CAPNS1: variants seen among roughly 807,000 people sequenced by gnomAD.
The protein encoded by CAPNS1 is calpain small subunit 1, also known as CANP small subunit.
Under a neutral mutation model 39.2 loss-of-function variants are expected in CAPNS1, and 32 were observed. The ratio of observed to expected loss-of-function variants is 0.82; its 90% CI spans 0.62 to 1.10. The LOEUF (loss-of-function observed/expected upper bound fraction) is 1.10. Ranked by LOEUF, CAPNS1 falls within the 50% of genes least tolerant of loss-of-function variation. The probability of loss-of-function intolerance (pLI) is 0.00; values close to 1 mark genes in which losing one functional copy is unlikely to be tolerated. For missense variants in CAPNS1, 353 were observed against 373.1 expected (o/e 0.95, Z 0.44); for synonymous variants, 153 against 136.2 (o/e 1.12, Z -0.86).
intron 6 of CAPNS1, chr19:36,145,586 T>C: frequency 1.9e-6 from 1 of 526,354 alleles, no homozygotes; most frequent in Non-Finnish European, 3.4e-6. Flanking sequence ...TAATTCCTCA[T>C]GGTTATGTTT....
chr19:36,142,338 G>GC lies in CAPNS1; in HGVS notation c.243+10dup. The GC allele has an allele frequency of 6.6e-7, 1 of 1,507,094 alleles. No individual in the cohort carries two copies. The highest frequency in any genetic ancestry group is 9.0e-7 in the Non-Finnish European group (1 of 1,109,022). 93.4% of individuals were successfully genotyped at this position (1,507,094 alleles called of 1,614,324 possible). On this transcript the variant is annotated splice_donor_region_variant and intron_variant, in intron 3 of 10. Coordinates refer to ENST00000246533, the MANE Select transcript of CAPNS1 (RefSeq NM_001749.4). ...CAGTACAACCCGGAGCCCCCGGTAAGCCCCCTCTGCAACCAGACCCCCTTC... is the reference window on the plus strand; with the variant it reads ...CAGTACAACCCGGAGCCCCCGGTAAGCCCCCCTCTGCAACCAGACCCCCTTC...
intron 2 of CAPNS1, 137 bp downstream of exon 2, chr19:36,141,357 G>A: frequency 7.3e-7 from 1 of 1,365,546 alleles, no homozygotes; most frequent in Non-Finnish European, 9.4e-7. Context: ...TTAGGCCGGG[G>A]AGGCCTGGTT....
At chr19:36,142,593 T>A in intron 3 of CAPNS1, 59 bp from the exon 4 acceptor site, 1 of 1,434,760 alleles carries the variant, frequency 7.0e-7, no homozygotes, top group South Asian at 1.2e-5. Context: ...TACCTGGGTT[T>A]GGGGAGCCGT....
chr19:36,140,793 C>A, intron 1 of CAPNS1: 1 of 581,396 alleles, frequency 1.7e-6, no homozygotes, highest in Non-Finnish European at 2.9e-6. Context: ...TCAAGCCCCA[C>A]GGGTGCCTTT....
At chr19:36,143,989 C>T (rs1974474387) in intron 6 of CAPNS1, 1 of 151,392 alleles carries the variant, frequency 6.6e-6, no homozygotes. Context: ...TCCTGGCTAA[C>T]ACGGTGAAAC....
intron 2 of CAPNS1, chr19:36,141,477 C>A: frequency 7.9e-7 from 1 of 1,260,856 alleles, no homozygotes; most frequent in Non-Finnish European, 9.9e-7. Context: ...CAATGTGGTC[C>A]TGAGGGGACT....
At chr19:36,143,165 G>A in intron 6 of CAPNS1, 37 bp downstream of exon 6, 1 of 1,592,798 alleles carries the variant, frequency 6.3e-7, no homozygotes, top group Non-Finnish European at 8.6e-7. Flanking sequence ...GCCCTGGGTG[G>A]ACAGAGAGTT....
At chr19:36,149,234 AG>A (rs1297713566) in intron 9 of CAPNS1, among the ~76,000 whole-genome samples, 2 of 151,850 alleles carry the variant, frequency 1.3e-5, no homozygotes, top group Non-Finnish European at 2.9e-5. Context: ...TTTAATTTTT[AG>A]TTTTTTTAAA....
chr19:36,142,597 G>A, intron 3 of CAPNS1, 55 bp from the exon 4 acceptor site: 1 of 1,477,756 alleles, frequency 6.8e-7, no homozygotes, highest in Non-Finnish European at 9.4e-7. Flanking sequence ...TGGGTTTGGG[G>A]AGCCGTCCTG....
chr19:36,146,012 A>G lies in CAPNS1; in HGVS notation c.562A>G (p.Thr188Ala). 6.2e-7 allele frequency: 1 copy of G among 1,614,184 alleles called. No homozygotes were observed. The highest frequency in any genetic ancestry group is 8.5e-7 in the Non-Finnish European group (1 of 1,180,026). The change falls in exon 8 of 11, where the codon ACC becomes GCC. Residue 188 changes from threonine (T) to alanine (A), a missense_variant. Physicochemically the swap from Thr to Ala is moderately conservative, Grantham distance 58 (BLOSUM62 0). Transcript: ENST00000246533. The part of the protein sequence containing the change: ...YKQFDTDRSG[T>A]ICSSELPGAF... ...ACAGTTCGACACTGACCGATCAGGG[A>G]CCATTTGCAGTAGTGAACTCCCAGG...
At position 36,146,222 on chromosome 19, in the gene CAPNS1, A is replaced by G. The variant is rs900385344; in HGVS notation, c.631A>G (p.Asn211Asp). The change falls in exon 9 of 11, where the codon AAC becomes GAC. Residue 211 changes from asparagine to aspartate, a missense_variant. Asn to Asp is a conservative substitution (Grantham distance 23, BLOSUM62 1). Coordinates refer to ENST00000246533, the MANE Select transcript of CAPNS1 (RefSeq NM_001749.4). ...AGFHLNEHLY[N>D]MIIRRYSDES... ...GTTCCACCTGAATGAGCATCTCTAT[A>G]ACATGATCATCCGACGCTACTCAGA... The G allele has an allele frequency of 6.8e-6, 11 of 1,613,352 alleles. No homozygotes were observed. Among genetic ancestry groups the G allele is most frequent in the Non-Finnish European group, 8.5e-6 (10 of 1,179,378 alleles).
rs376949332 is a variant in CAPNS1 at position 36,146,363 on chromosome 19, T to C, written c.721+51T>C. ...TGGGTGGGGATTCCTATGACCTCTA[T>C]GGACCAAGGTCTCCTCTAAGCCTGA... On this transcript the variant is annotated intron_variant, in intron 9 of 10. Coordinates refer to ENST00000246533, the MANE Select transcript of CAPNS1 (RefSeq NM_001749.4). 93 of 1,164,826 alleles carry C rather than the reference T, an allele frequency of 8.0e-5. No individual in the cohort carries two copies. In the Middle Eastern group the frequency reaches 1.2e-3, roughly 15 times the overall value. The allele number at this position is 1,164,826 out of a possible 1,614,324, so 72.2% of individuals were successfully genotyped here.
chr19:36,145,203 C>CTTTT (rs5827950), intron 6 of CAPNS1, among the ~76,000 whole-genome samples: 5,699 of 118,160 alleles, frequency 0.048, 270 homozygotes, highest in African/African-American at 0.098. Context: ...TTTTCTTTCT[C>CTTTT]TTTTTTTTTT....
Position 36,146,293 on chromosome 19 carries a change from C to A in CAPNS1, c.702C>A (p.Val234=). The A allele has an allele frequency of 6.2e-7, 1 of 1,612,408 alleles. No homozygotes were observed. The highest frequency in any genetic ancestry group is 1.1e-5 in the South Asian group (1 of 90,956). The change falls in exon 9 of 11, where the codon GTC becomes GTA. Residue 234 remains valine, a synonymous_variant. Coordinates refer to ENST00000246533, the MANE Select transcript of CAPNS1 (RefSeq NM_001749.4). ...TTGACAACTTCATCAGCTGCTTGGT[C>A]AGGCTGGACGCCATGTTCCGTGAGT... The part of the protein sequence containing the change: ...MDFDNFISCL[V]RLDAMFRAFK...
rs748893214 is a variant in CAPNS1 at position 36,146,059 on chromosome 19, G to A, written c.604+5G>A. On this transcript the variant is annotated splice_donor_5th_base_variant and intron_variant, in intron 8 of 10. Coordinates refer to ENST00000246533, the MANE Select transcript of CAPNS1 (RefSeq NM_001749.4). The stretch of plus-strand genomic sequence containing the variant: ...CAGGTGCCTTTGAGGCAGCAGGTAT[G>A]GCTGGCAGGGACATGCTGGGGCTGG... The A allele has an allele frequency of 6.2e-7, 1 of 1,613,900 alleles. No homozygotes were observed. Among genetic ancestry groups the A allele is most frequent in the Non-Finnish European group, 8.5e-7 (1 of 1,179,796 alleles).
intron 7 of CAPNS1, 21 bp from the exon 8 acceptor site, chr19:36,145,955 C>T (rs1974548812): frequency 1.2e-6 from 2 of 1,613,722 alleles, no homozygotes; most frequent in Non-Finnish European, 1.7e-6. Flanking sequence ...TCACTTGGAC[C>T]CAATGTCTCT....
intron 9 of CAPNS1, chr19:36,148,442 G>A (rs932401780): frequency 3.3e-5 from 5 of 151,680 alleles, no homozygotes; most frequent in Admixed American, 2.0e-4. Context: ...ACTTGAGCCC[G>A]GGAGGGTGAG....
chr19:36,142,528 C>A (rs1238096138), intron 3 of CAPNS1, 124 bp from the exon 4 acceptor site: 4 of 767,902 alleles, frequency 5.2e-6, no homozygotes, highest in Non-Finnish European at 9.0e-6. Flanking sequence ...CACTACCACC[C>A]CTCATTCTTT....
chr19:36,147,194 G>T (rs1278980417), intron 9 of CAPNS1, among the ~76,000 whole-genome samples: 1 of 152,216 alleles, frequency 6.6e-6, no homozygotes, highest in Non-Finnish European at 1.5e-5. Context: ...GGGAAGTGGG[G>T]ATTACTGTCC....
Sources: gnomAD v4.1 joint callset for allele counts (sites outside exome capture counted in the v4.1 genomes callset) on GRCh38, gnomAD v4.1.1 for gene constraint, MANE v1.5 for transcripts, NCBI Gene and HGNC (gene_info 2026-07-23, HGNC 2026-07-21) for gene names.